The following RHBDD2 variants were observed in gnomAD, a reference collection of about 807,000 sequenced individuals.
RHBDD2 encodes rhomboid domain-containing protein 2.
In RHBDD2, 13 loss-of-function variants were observed where a neutral mutation model predicts 21.7. That is an observed-to-expected ratio of 0.60 (90% CI 0.39 to 0.95). The LOEUF (loss-of-function observed/expected upper bound fraction) is 0.95, where lower values mean the gene tolerates loss of function less well. Among genes scored for constraint, RHBDD2 ranks in the 40% least tolerant of loss-of-function variants. RHBDD2 has a pLI of 0.00. For synonymous variants in RHBDD2, 225 were observed against 220.0 expected (o/e 1.02, Z -0.20); for missense variants, 473 against 478.9 (o/e 0.99, Z 0.11).
intron 1 of RHBDD2, among the ~76,000 whole-genome samples, chr7:75,879,801 C>T (rs886375273): frequency 6.6e-6 from 1 of 152,216 alleles, no homozygotes. Context: ...ATTCCCAGCT[C>T]ATGGGGGTAC....
Position 75,888,438 on chromosome 7 carries a change from T to A in RHBDD2, c.*89T>A. On this transcript the variant is annotated 3_prime_UTR_variant, in exon 4 of 4. Coordinates refer to ENST00000006777, the MANE Select transcript of RHBDD2 (RefSeq NM_001040456.3). The stretch of plus-strand genomic sequence containing the variant: ...AAAAGTTACTTATTGAACACCTCTA[T>A]GTGCCAGGCTCTGTGTTGGGTACTT... The A allele has an allele frequency of 9.8e-7, 1 of 1,022,224 alleles. No individual in the cohort carries two copies. 63.3% of individuals were successfully genotyped at this position (1,022,224 alleles called of 1,614,324 possible).
At chr7:75,881,423 G>A in intron 1 of RHBDD2, 1 of 1,295,056 alleles carries the variant, frequency 7.7e-7, no homozygotes, top group Non-Finnish European at 1.0e-6. Flanking sequence ...AGAGTGTTAA[G>A]TGACACCCAC....
In RHBDD2 at chr7:75,883,884, T is replaced by C. The variant is rs1378010652; in HGVS notation, c.737+36T>C. On this transcript the variant is annotated intron_variant, in intron 3 of 3. Transcript: ENST00000006777. ...GAACTCTTAAGTGCTGTTAAATCTTTTTTAAAAAAAAAATTATTTTTTTTT... is the reference window on the plus strand; with the variant it reads ...GAACTCTTAAGTGCTGTTAAATCTTCTTTAAAAAAAAAATTATTTTTTTTT... 14 of 1,551,912 alleles carry C rather than the reference T, an allele frequency of 9.0e-6. No homozygotes were observed. The Admixed American group carries it at 1.3e-4, about 14-fold the overall frequency.
At chr7:75,881,456 C>T (rs1563375693) in intron 1 of RHBDD2, 1 of 1,300,312 alleles carries the variant, frequency 7.7e-7, no homozygotes, top group South Asian at 1.2e-5. Context: ...GAAGCTGTTA[C>T]ACTTAATTAA....
chr7:75,884,549 G>T (rs568865398), intron 3 of RHBDD2, among the ~76,000 whole-genome samples: 1 of 152,328 alleles, frequency 6.6e-6, no homozygotes, highest in Admixed American at 6.5e-5. Context: ...TCCAGGGCAT[G>T]CAGAGGGTGT....
rs1554542441 is a variant in RHBDD2, at chr7:75,881,391, A to T, written c.179-438A>T. On this transcript the variant is annotated intron_variant, in intron 1 of 3. Coordinates refer to ENST00000006777, the MANE Select transcript of RHBDD2 (RefSeq NM_001040456.3). ...CACTATGGAAGGAGGGGTCAGGATT[A>T]CAGCAGAGGAGACTGGCACACAGAG... 2.3e-6 allele frequency: 3 copies of T among 1,292,596 alleles called. No homozygotes were observed. In the South Asian group the frequency reaches 3.7e-5, roughly 16 times the overall value. The allele number at this position is 1,292,596 out of a possible 1,614,324, so 80.1% of individuals were successfully genotyped here. A position where few individuals can be genotyped will look rare whatever the true frequency, so the allele number is the denominator to read the frequency against.
chr7:75,885,955 C>A (rs1329598539), intron 3 of RHBDD2, among the ~76,000 whole-genome samples: 2 of 152,146 alleles, frequency 1.3e-5, no homozygotes, highest in Non-Finnish European at 2.9e-5. Context: ...CAACCTCCAC[C>A]TCCTGGGTTC....
chr7:75,883,841 A>G lies in RHBDD2; in HGVS notation c.730A>G (p.Ser244Gly). The G allele has an allele frequency of 1.2e-6, 2 of 1,610,950 alleles. No homozygotes were observed. The highest frequency in any genetic ancestry group is 1.7e-6 in the Non-Finnish European group (2 of 1,179,130). The change falls in exon 3 of 4, where the codon AGC (serine) becomes GGC (glycine). Residue 244 changes from serine (S) to glycine (G), a missense_variant. Transcript: ENST00000006777. ...TTCAGCCGAGAGGAGGGCAGCCCAGAGCCGGAAGTAAGTGACAGAACTCTT... is the reference window on the plus strand; with the variant it reads ...TTCAGCCGAGAGGAGGGCAGCCCAGGGCCGGAAGTAAGTGACAGAACTCTT... Reference protein sequence around the residue: ...GSSAERRAAQSRKLNPVPGSY... With the variant: ...GSSAERRAAQGRKLNPVPGSY...
intron 1 of RHBDD2, among the ~76,000 whole-genome samples, chr7:75,881,047 A>C (rs900075638): frequency 6.6e-6 from 1 of 152,126 alleles, no homozygotes; most frequent in Non-Finnish European, 1.5e-5. Flanking sequence ...TTAGAAAAAT[A>C]AAAGGCCAGG....
chr7:75,884,457 T>A (rs1805532848), intron 3 of RHBDD2, among the ~76,000 whole-genome samples: 1 of 152,108 alleles, frequency 6.6e-6, no homozygotes, highest in African/African-American at 2.4e-5. Context: ...CTGGTCTCAA[T>A]CCATCCTTCC....
intron 3 of RHBDD2, among the ~76,000 whole-genome samples, chr7:75,884,794 G>T (rs1554543454): frequency 6.6e-6 from 1 of 152,134 alleles, no homozygotes; most frequent in Non-Finnish European, 1.5e-5. Flanking sequence ...AGGTCAGCCT[G>T]GGCTGTGACA....
At position 75,881,969 on chromosome 7, in the gene RHBDD2, G is replaced by T. The variant is rs782706762; in HGVS notation, c.319G>T (p.Ala107Ser). The T allele has an allele frequency of 6.2e-7, 1 of 1,614,184 alleles. No individual in the cohort carries two copies. The change falls in exon 2 of 4, where the codon GCC (alanine) becomes TCC (serine). Residue 107 changes from alanine to serine, a missense_variant. Ala to Ser is a moderately conservative substitution (Grantham distance 99). Coordinates refer to ENST00000006777, the MANE Select transcript of RHBDD2 (RefSeq NM_001040456.3). ...VRHCFFTVIF[A>S]IFSAIIFLSF... ...CCACTGCTTCTTCACCGTGATCTTCGCCATCTTCTCCGCTATCATCTTCCT... is the reference window on the plus strand; with the variant it reads ...CCACTGCTTCTTCACCGTGATCTTCTCCATCTTCTCCGCTATCATCTTCCT...
At chr7:75,879,328 T>G in intron 1 of RHBDD2, 68 bp downstream of exon 1, 5 of 1,361,210 alleles carry the variant, frequency 3.7e-6, no homozygotes, top group South Asian at 1.5e-5. Flanking sequence ...TCCTGGGCTC[T>G]AGCCTCCGGG....
Position 75,888,746 on chromosome 7 carries a change from A to G in RHBDD2, c.*397A>G. ...CCGTGTGTCCATGTGTCTGCCCTTC[A>G]GGAGCTCGCAGCTGGTGTGCTTGGC... On this transcript the variant is annotated 3_prime_UTR_variant, in exon 4 of 4. Coordinates refer to ENST00000006777, the MANE Select transcript of RHBDD2 (RefSeq NM_001040456.3). 4.5e-6 allele frequency: 1 copy of G among 219,926 alleles called. No homozygotes were observed. The highest frequency in any genetic ancestry group is 5.2e-5 in the Admixed American group (1 of 19,108). The allele number at this position is 219,926 out of a possible 1,614,324, so 13.6% of individuals were successfully genotyped here.
Position 75,879,072 on chromosome 7 carries a change from C to G in RHBDD2, c.-11C>G, listed in dbSNP as rs1289967430. On this transcript the variant is annotated 5_prime_UTR_variant, in exon 1 of 4. Transcript: ENST00000006777. ...CCGGCGTCGAGGCGGGGCGCGGGAA[C>G]GACGGCGGCCATGGCGGCCTCGGGG... The G allele has an allele frequency of 2.2e-6, 3 of 1,362,316 alleles. No individual in the cohort carries two copies. The highest frequency in any genetic ancestry group is 2.8e-6 in the Non-Finnish European group (3 of 1,052,938). 84.4% of individuals were successfully genotyped at this position (1,362,316 alleles called of 1,614,324 possible). A position where few individuals can be genotyped will look rare whatever the true frequency, so the allele number is the denominator to read the frequency against.
chr7:75,879,193 C>T lies in RHBDD2; in HGVS notation c.111C>T (p.Phe37=). ...LSLLVSGPRL[F]LLQQPLAPSG... ...TGCTGGTTTCCGGGCCTCGCCTGTT[C>T]CTGCTGCAGCAGCCCCTGGCGCCCT... The change falls in exon 1 of 4, where the codon TTC becomes TTT. Residue 37 remains phenylalanine, a synonymous_variant. Coordinates refer to ENST00000006777, the MANE Select transcript of RHBDD2 (RefSeq NM_001040456.3). 3.3e-6 allele frequency: 5 copies of T among 1,518,848 alleles called. No homozygotes were observed. Among genetic ancestry groups the T allele is most frequent in the Non-Finnish European group, 4.4e-6 (5 of 1,131,614 alleles). The allele number at this position is 1,518,848 out of a possible 1,614,324, so 94.1% of individuals were successfully genotyped here. A position where few individuals can be genotyped will look rare whatever the true frequency, so the allele number is the denominator to read the frequency against.
chr7:75,882,349 C>T (rs77273947), intron 2 of RHBDD2, 113 bp downstream of exon 2: 165,933 of 1,011,394 alleles, frequency 0.16, 14,586 homozygotes, highest in South Asian at 0.22. Flanking sequence ...TTTTTCGAAA[C>T]AGAGTCTCTG....
chr7:75,881,877 T>C lies in RHBDD2; in HGVS notation c.227T>C (p.Leu76Pro). 6.2e-7 allele frequency: 1 copy of C among 1,613,808 alleles called. No homozygotes were observed. Among genetic ancestry groups the C allele is most frequent in the Non-Finnish European group, 8.5e-7 (1 of 1,179,738 alleles). ...YIFVYENPIS[L>P]LCGAIIIWRF... ...TTTGTCTACGAGAATCCCATCTCCC[T>C]GCTCTGCGGCGCTATCATCATCTGG... The change falls in exon 2 of 4, where the codon CTG (leucine) becomes CCG (proline). Residue 76 changes from leucine to proline, a missense_variant. Coordinates refer to ENST00000006777, the MANE Select transcript of RHBDD2 (RefSeq NM_001040456.3).
chr7:75,881,136 T>C lies in RHBDD2; in HGVS notation c.179-693T>C, dbSNP rs117653081. 5.3e-5 allele frequency among the ~76,000 whole-genome samples: 8 copies of C among 152,252 alleles called. No individual in the cohort carries two copies. The East Asian group carries it at 1.5e-3, about 29-fold the overall frequency. On this transcript the variant is annotated intron_variant, in intron 1 of 3. Coordinates refer to ENST00000006777, the MANE Select transcript of RHBDD2 (RefSeq NM_001040456.3). ...TCACTGGAGGCCAGGAGTTCAAGGCTAGCCTGGGCAACGTAGCAAGACTTT... is the reference window on the plus strand; with the variant it reads ...TCACTGGAGGCCAGGAGTTCAAGGCCAGCCTGGGCAACGTAGCAAGACTTT...
Sources: gnomAD v4.1 joint callset for allele counts (sites outside exome capture counted in the v4.1 genomes callset) on GRCh38, gnomAD v4.1.1 for gene constraint, MANE v1.5 for transcripts, NCBI Gene and HGNC (gene_info 2026-07-23, HGNC 2026-07-21) for gene names.